Variants in DAB2IP observed in about 807,000 individuals in gnomAD.
DAB2IP encodes DAB2 interacting protein.
Under a neutral mutation model 107.2 loss-of-function variants are expected in DAB2IP, and 28 were observed. The ratio of observed to expected loss-of-function variants is 0.26; its 90% CI spans 0.19 to 0.36. DAB2IP has a LOEUF of 0.36. DAB2IP is among the 10% of genes least tolerant of loss of function. The probability of loss-of-function intolerance (pLI) is 1.00; values close to 1 mark genes in which losing one functional copy is unlikely to be tolerated. For missense variants in DAB2IP, 1,400 were observed against 1,644.7 expected (o/e 0.85, Z 2.57); for synonymous variants, 755 against 706.4 (o/e 1.07, Z -1.09).
intron 3 of DAB2IP, among the ~76,000 whole-genome samples, chr9:121,712,617 AGAAAG>A (rs1830390573): frequency 1.3e-5 from 2 of 152,122 alleles, no homozygotes; most frequent in African/African-American, 4.8e-5. Flanking sequence ...CTTTCATGCT[AGAAAG>A]GAGAGTAAGG....
chr9:121,775,852 C>T (rs1394176356), intron 13 of DAB2IP, among the ~76,000 whole-genome samples: 1 of 152,224 alleles, frequency 6.6e-6, no homozygotes, highest in Non-Finnish European at 1.5e-5. Context: ...GTCACATGTC[C>T]TTCATGTATC....
chr9:121,670,605 CTG>C (rs1375253172), intron 1 of DAB2IP, among the ~76,000 whole-genome samples: 1 of 152,250 alleles, frequency 6.6e-6, no homozygotes, highest in Non-Finnish European at 1.5e-5. Flanking sequence ...CCACCTCTGT[CTG>C]TGTCAAAGCT....
At chr9:121,587,355 C>T (rs1417994825) in intron 1 of DAB2IP, among the ~76,000 whole-genome samples, 1 of 152,132 alleles carries the variant, frequency 6.6e-6, no homozygotes, top group Non-Finnish European at 1.5e-5. Flanking sequence ...GCCTATAAAT[C>T]CCAGCACTCT....
intron 14 of DAB2IP, 142 bp from the exon 15 acceptor site, chr9:121,781,322 G>T (rs920761247): frequency 1.2e-5 from 9 of 743,814 alleles, no homozygotes; most frequent in Non-Finnish European, 1.8e-5. Flanking sequence ...CCCCAGGCAA[G>T]TATGGGAGGC....
Position 121,600,784 on chromosome 9 carries a change from G to A in DAB2IP, c.40+33556G>A, listed in dbSNP as rs551036586. ...GCTGCTCACTAGCTGTGTATCTGTG[G>A]GCAGGTTTCCTAACCTCTCAGAGCT... is the stretch of plus-strand genomic sequence containing the variant. On this transcript the variant is annotated intron_variant, in intron 1 of 16. Coordinates refer to the DAB2IP transcript ENST00000259371. Among the ~76,000 whole-genome samples the A allele has an allele frequency of 2.0e-4, 30 of 152,292 alleles. No individual in the cohort carries two copies. The South Asian group carries it at 3.5e-3, about 18-fold the overall frequency.
At chr9:121,780,888 A>T (rs1052038942) in intron 14 of DAB2IP, among the ~76,000 whole-genome samples, 2 of 152,182 alleles carry the variant, frequency 1.3e-5, no homozygotes, top group Non-Finnish European at 2.9e-5. Context: ...GCGACCTCCC[A>T]GCCCACCCTC....
At chr9:121,617,372 T>C (rs1831315638) in intron 1 of DAB2IP, among the ~76,000 whole-genome samples, 2 of 152,110 alleles carry the variant, frequency 1.3e-5, no homozygotes, top group Admixed American at 6.5e-5. Flanking sequence ...GTAAATTTGC[T>C]CCTAGAAATG....
At chr9:121,692,946 G>A (rs1300486400) in intron 2 of DAB2IP, among the ~76,000 whole-genome samples, 1 of 152,234 alleles carries the variant, frequency 6.6e-6, no homozygotes, top group Non-Finnish European at 1.5e-5. Flanking sequence ...TGCCATTAGT[G>A]CCTAGCTTGG....
chr9:121,765,644 C>T (rs906957351), intron 8 of DAB2IP, among the ~76,000 whole-genome samples: 1 of 152,224 alleles, frequency 6.6e-6, no homozygotes, highest in Non-Finnish European at 1.5e-5. Flanking sequence ...TCAGATCACC[C>T]TGAGCTCATG....
At chr9:121,711,942 C>T (rs1231717019) in intron 3 of DAB2IP, among the ~76,000 whole-genome samples, 2 of 152,222 alleles carry the variant, frequency 1.3e-5, no homozygotes, top group Non-Finnish European at 2.9e-5. Flanking sequence ...ACTCCCTCTG[C>T]AGAAGGCAGT....
At chr9:121,679,251 T>G (rs966842994) in intron 2 of DAB2IP, among the ~76,000 whole-genome samples, 1 of 152,170 alleles carries the variant, frequency 6.6e-6, no homozygotes, top group African/African-American at 2.4e-5. Flanking sequence ...TGATGATGGC[T>G]TAGAACCGAC....
At chr9:121,647,757 A>G (rs1832586462), upstream of DAB2IP, among the ~76,000 whole-genome samples, 1 of 151,876 alleles carries the variant, frequency 6.6e-6, no homozygotes, top group African/African-American at 2.4e-5. Context: ...ATGTATATAT[A>G]CACACACATA....
chr9:121,575,458 G>C (rs1026890252), intron 1 of DAB2IP: 1 of 152,134 alleles, frequency 6.6e-6, no homozygotes, highest in Non-Finnish European at 1.5e-5. Flanking sequence ...AGCATGATCC[G>C]GGTCCCCTAA....
chr9:121,776,224 G>A lies in DAB2IP; in HGVS notation c.3147G>A (p.Leu1049=). 6.3e-7 allele frequency: 1 copy of A among 1,581,830 alleles called. No individual in the cohort carries two copies. Among genetic ancestry groups the A allele is most frequent in the Non-Finnish European group, 8.6e-7 (1 of 1,164,352 alleles). ...ACCTGGCGGTGCTGCAGGACAAGCTGCGAATCTCCACCAAGAAGCTGGAGG... is the reference window on the plus strand; with the variant it reads ...ACCTGGCGGTGCTGCAGGACAAGCTACGAATCTCCACCAAGAAGCTGGAGG... The change falls in exon 14 of 16, where the codon CTG becomes CTA. Residue 1049 remains leucine, a synonymous_variant. Coordinates refer to ENST00000408936, the Ensembl canonical transcript of DAB2IP. The surrounding 1 kb of genome is among the most constrained non-coding windows in gnomAD (Gnocchi z 5.4).
rs151158069 is a variant in DAB2IP at position 121,596,205 on chromosome 9, C to A, written c.40+28977C>A. ...AATTAGCTGGGCATGGTGGCGCATG[C>A]CTGTAATCTCAGCTACTCGGGAGAC... On this transcript the variant is annotated intron_variant, in intron 1 of 16. Transcript: ENST00000259371. Among the ~76,000 whole-genome samples the A allele has an allele frequency of 3.7e-3, 566 of 152,270 alleles. 3 individuals are homozygous for A. The highest frequency in any genetic ancestry group is 0.013 in the African/African-American group (543 of 41,556).
chr9:121,740,340 T>A (rs1378764303), intron 3 of DAB2IP, among the ~76,000 whole-genome samples: 1 of 152,086 alleles, frequency 6.6e-6, no homozygotes, highest in Non-Finnish European at 1.5e-5. Flanking sequence ...CCCTGTCACG[T>A]TTTTGGACTG....
chr9:121,651,921 G>C lies in DAB2IP; in HGVS notation c.124+22G>C. 2 of 1,333,314 alleles carry C rather than the reference G, an allele frequency of 1.5e-6. No homozygotes were observed. Among genetic ancestry groups the C allele is most frequent in the Non-Finnish European group, 1.9e-6 (2 of 1,034,248 alleles). The allele number at this position is 1,333,314 out of a possible 1,614,324, so 82.6% of individuals were successfully genotyped here. ...AGGGGTAGGCGCCACCCCGACCCCTGACCCCTAGACCCTCCTAAGGCCACT... is the reference window on the plus strand; with the variant it reads ...AGGGGTAGGCGCCACCCCGACCCCTCACCCCTAGACCCTCCTAAGGCCACT... On this transcript the variant is annotated intron_variant, in intron 1 of 15. Transcript: ENST00000408936. This position sits in a 1 kb window ranked among gnomAD's most constrained non-coding sequence, Gnocchi z 5.1.
In DAB2IP at chr9:121,626,337, G is replaced by A. The variant is rs551858595; in HGVS notation, c.41-52341G>A. On this transcript the variant is annotated intron_variant, in intron 1 of 16. Coordinates refer to the DAB2IP transcript ENST00000259371. ...GAGGGCATCCAAAATGGGCTTTCAT[G>A]GAGCAGGATATTTGTGTTGGTAAAA... is the stretch of plus-strand genomic sequence containing the variant. Among the ~76,000 whole-genome samples the A allele has an allele frequency of 2.0e-5, 3 of 151,636 alleles. No individual in the cohort carries two copies. The South Asian group carries it at 6.3e-4, about 32-fold the overall frequency.
intron 1 of DAB2IP, among the ~76,000 whole-genome samples, chr9:121,582,220 C>T (rs573208833): frequency 1.6e-4 from 24 of 152,308 alleles, no homozygotes; most frequent in African/African-American, 5.8e-4. Context: ...TCAAAACATC[C>T]CGGCTGGGGG....
Sources: allele counts gnomAD v4.1 joint callset (sites outside exome capture counted in the v4.1 genomes callset), GRCh38; gene constraint gnomAD v4.1.1; non-coding constraint Gnocchi (gnomAD v3.1); transcripts MANE v1.5; gene names NCBI Gene and HGNC (gene_info 2026-07-23, HGNC 2026-07-21).